Variants in WWC2 observed in about 807,000 individuals in gnomAD.
WWC2 encodes protein WWC2.
A neutral mutation model predicts 138.5 loss-of-function variants in WWC2; 101 were observed. The observed-to-expected ratio is 0.73, with a 90% CI of 0.62 to 0.86. The LOEUF is 0.86. Among genes scored for constraint, WWC2 ranks in the 40% least tolerant of loss-of-function variants. The pLI, the probability that WWC2 is intolerant of heterozygous loss-of-function variation, is 0.00. For synonymous variants in WWC2, 558 were observed against 538.4 expected (o/e 1.04, Z -0.50); for missense variants, 1,420 against 1,419.4 (o/e 1.00, Z -0.01).
chr4:183,237,418 T>A (rs1308063093), intron 4 of WWC2, among the ~76,000 whole-genome samples: 2 of 152,162 alleles, frequency 1.3e-5, no homozygotes, highest in Non-Finnish European at 2.9e-5. Context: ...GCTCTTTTGA[T>A]ATGATAATAG....
At chr4:183,191,909 A>G (rs1267912193) in intron 1 of WWC2, among the ~76,000 whole-genome samples, 2 of 151,864 alleles carry the variant, frequency 1.3e-5, no homozygotes, top group African/African-American at 2.4e-5. Context: ...TTATTTTTTT[A>G]GAGACAGGGT....
chr4:183,271,830 C>T (rs1737703741), intron 16 of WWC2, among the ~76,000 whole-genome samples: 1 of 152,060 alleles, frequency 6.6e-6, no homozygotes, highest in Non-Finnish European at 1.5e-5. Context: ...ATAGCAAGAC[C>T]CTGTCTCTAC....
rs192232250 is a variant in WWC2 at position 183,299,273 on chromosome 4, C to T, written c.3384+9638C>T. Among the ~76,000 whole-genome samples the T allele has an allele frequency of 2.1e-3, 325 of 152,196 alleles. 1 individual carries two copies. Among genetic ancestry groups the T allele is most frequent in the Non-Finnish European group, 3.5e-3 (241 of 68,014 alleles). ...TCTCAAAGGTCCCACCTCTCAATACCGTTACAATGGCAATTGAATTTCAGC... is the reference window on the plus strand; with the variant it reads ...TCTCAAAGGTCCCACCTCTCAATACTGTTACAATGGCAATTGAATTTCAGC... On this transcript the variant is annotated intron_variant, in intron 21 of 22. Transcript: ENST00000403733.
chr4:183,270,854 A>C (rs1474506738), intron 15 of WWC2, among the ~76,000 whole-genome samples: 3 of 152,124 alleles, frequency 2.0e-5, no homozygotes, highest in Non-Finnish European at 4.4e-5. Flanking sequence ...TAATCCCAGG[A>C]TTAGCTTTTA....
intron 1 of WWC2, among the ~76,000 whole-genome samples, chr4:183,151,879 G>GTTCTATTCCATTGGTCTCC (rs1438036719): frequency 6.6e-6 from 1 of 152,094 alleles, no homozygotes; most frequent in Non-Finnish European, 1.5e-5. Context: ...TGAGGGCTCT[G>GTTCTATTCCATTGGTCTCC]TTCTATTCCA....
At chr4:183,265,459 G>C (rs1737472028) in intron 12 of WWC2, among the ~76,000 whole-genome samples, 1 of 152,204 alleles carries the variant, frequency 6.6e-6, no homozygotes, top group Non-Finnish European at 1.5e-5. Flanking sequence ...TATATTTCTA[G>C]TAATAAGGAA....
chr4:183,219,324 T>G (rs1195840279), intron 4 of WWC2, among the ~76,000 whole-genome samples: 1 of 152,144 alleles, frequency 6.6e-6, no homozygotes, highest in African/African-American at 2.4e-5. Flanking sequence ...AACATTTATA[T>G]TTTACCACAA....
chr4:183,100,012 T>C (rs115844459), intron 1 of WWC2, among the ~76,000 whole-genome samples: 1,962 of 152,302 alleles, frequency 0.013, 47 homozygotes, highest in African/African-American at 0.045. Flanking sequence ...TCACTGCCAG[T>C]TGGGGAACGA....
rs1273719655 is a variant in WWC2, at chr4:183,312,408, A to G, written c.3452A>G (p.Lys1151Arg). Residue 1151 changes from lysine to arginine, a missense_variant, in exon 22 of 23, where the codon AAG becomes AGG. Transcript: ENST00000403733. ...GAGAAGTTGATGAGGCAAGTCTCCA[A>G]GGACGTGTGTCGGCTCCGGGAGCAG... ...NAEKLMRQVS[K>R]DVCRLREQSQ... 2.5e-6 allele frequency: 4 copies of G among 1,613,842 alleles called. No homozygotes were observed. The highest frequency in any genetic ancestry group is 3.4e-6 in the Non-Finnish European group (4 of 1,179,788).
chr4:183,299,774 T>A (rs937141700), intron 21 of WWC2, among the ~76,000 whole-genome samples: 5 of 152,030 alleles, frequency 3.3e-5, no homozygotes, highest in Non-Finnish European at 5.9e-5. Flanking sequence ...TTCCCTGTGG[T>A]ATTGGGGATT....
intron 18 of WWC2, 131 bp downstream of exon 18, chr4:183,283,037 C>A: frequency 1.1e-6 from 1 of 903,930 alleles, no homozygotes; most frequent in Non-Finnish European, 1.6e-6. Context: ...TCGTGAAAGG[C>A]ATATGTGGGA....
At chr4:183,202,436 C>A (rs1735327517) in intron 2 of WWC2, among the ~76,000 whole-genome samples, 1 of 152,040 alleles carries the variant, frequency 6.6e-6, no homozygotes, top group African/African-American at 2.4e-5. Context: ...ATACACCATC[C>A]ACTGACAAAT....
chr4:183,109,998 A>C (rs1220295282), intron 1 of WWC2, among the ~76,000 whole-genome samples: 1 of 152,210 alleles, frequency 6.6e-6, no homozygotes, highest in African/African-American at 2.4e-5. Flanking sequence ...GTTCAAATGT[A>C]GCAGCCTGTG....
At chr4:183,289,803 T>TC (rs3833630) in intron 21 of WWC2, among the ~76,000 whole-genome samples, 168 bp downstream of exon 21, 3 of 151,122 alleles carry the variant, frequency 2.0e-5, no homozygotes. Flanking sequence ...TTTTTTTTTT[T>TC]CCAAACCAAA....
rs1354801770 is a variant in WWC2 at position 183,269,206 on chromosome 4, T to C, written c.2400+43T>C. 5 of 1,573,112 alleles carry C rather than the reference T, an allele frequency of 3.2e-6. 1 individual carries two copies. Among genetic ancestry groups the C allele is most frequent in the Non-Finnish European group, 4.3e-6 (5 of 1,157,950 alleles). ...TCCCATTACCAAATAGCACTTAGAT[T>C]GGGTGGTCTGAGGATATACTTTGTA... On this transcript the variant is annotated intron_variant, in intron 15 of 22. Coordinates refer to ENST00000403733, the MANE Select transcript of WWC2 (RefSeq NM_024949.6).
At chr4:183,306,733 G>T (rs1393366553) in intron 21 of WWC2, among the ~76,000 whole-genome samples, 1 of 151,934 alleles carries the variant, frequency 6.6e-6, no homozygotes, top group African/African-American at 2.4e-5. Context: ...TGCCATGTTG[G>T]CCAGGCTGGT....
intron 16 of WWC2, among the ~76,000 whole-genome samples, chr4:183,276,397 C>T (rs1718498168): frequency 6.6e-6 from 1 of 151,110 alleles, no homozygotes; most frequent in Non-Finnish European, 1.5e-5. Flanking sequence ...CTTTTTCTTC[C>T]TTGTTTTGAA....
At chr4:183,187,706 A>G (rs1734855078) in intron 1 of WWC2, among the ~76,000 whole-genome samples, 1 of 151,656 alleles carries the variant, frequency 6.6e-6, no homozygotes, top group Non-Finnish European at 1.5e-5. Context: ...CCCCATCTCT[A>G]CTAAAAATAC....
chr4:183,136,120 C>G (rs1278769974), intron 1 of WWC2, among the ~76,000 whole-genome samples: 1 of 152,132 alleles, frequency 6.6e-6, no homozygotes, highest in Non-Finnish European at 1.5e-5. Context: ...TTGAGATCCA[C>G]TAGGCCTCTT....
Sources: gnomAD v4.1 joint callset for allele counts (sites outside exome capture counted in the v4.1 genomes callset) on GRCh38, gnomAD v4.1.1 for gene constraint, MANE v1.5 for transcripts, NCBI Gene and HGNC (gene_info 2026-07-23, HGNC 2026-07-21) for gene names.